Variants in CPS1 observed in about 807,000 individuals in gnomAD.
CPS1 encodes carbamoyl-phosphate synthase [ammonia], mitochondrial.
In CPS1, 109 loss-of-function variants were observed where a neutral mutation model predicts 174.6. The ratio of observed to expected loss-of-function variants is 0.62; its 90% CI spans 0.53 to 0.73. The LOEUF is 0.73. Ranked by LOEUF, CPS1 falls within the 30% of genes least tolerant of loss-of-function variation. CPS1 has a pLI of 0.00. For synonymous variants in CPS1, 637 were observed against 632.0 expected, an observed-to-expected ratio of 1.01 and a Z score of -0.12; for missense variants, 1,689 against 1,821.9, an observed-to-expected ratio of 0.93 and a Z score of 1.33.
rs138298082 is a variant in CPS1, at chr2:210,491,611, A to G, written c.3+13845A>G. ...TAGAGGCATGAGCCACCGCACCTGG[A>G]CATGTTTGTTTTTTTCCTGGTGTTC... On this transcript the variant is annotated intron_variant, in intron 1 of 38. Coordinates refer to the CPS1 transcript ENST00000430249. Among the ~76,000 whole-genome samples, 3 of 152,098 alleles carry G rather than the reference A, an allele frequency of 2.0e-5. No individual in the cohort carries two copies. In the South Asian group the frequency reaches 6.2e-4, roughly 32 times the overall value.
At chr2:210,642,869 G>C (rs1280187766) in intron 25 of CPS1, among the ~76,000 whole-genome samples, 1 of 152,118 alleles carries the variant, frequency 6.6e-6, no homozygotes, top group Non-Finnish European at 1.5e-5. Context: ...CTGGCCCAGA[G>C]TGATTATTTT....
At position 210,637,643 on chromosome 2, in the gene CPS1, T is replaced by C. The variant is rs531732906; in HGVS notation, c.2688-59T>C. 35 of 1,579,954 alleles carry C rather than the reference T, an allele frequency of 2.2e-5. No homozygotes were observed. The African/African-American group carries it at 4.2e-4, about 19-fold the overall frequency. On this transcript the variant is annotated intron_variant, in intron 21 of 37. Coordinates refer to ENST00000233072, the MANE Select transcript of CPS1 (RefSeq NM_001875.5). ...CTTGGTGTTCTTGAAATTGAACTTGTCACCGCTTTTTATTGTTTTTGGTCT... is the reference window on the plus strand; with the variant it reads ...CTTGGTGTTCTTGAAATTGAACTTGCCACCGCTTTTTATTGTTTTTGGTCT...
At chr2:210,500,513 G>A (rs1174811338) in intron 1 of CPS1, among the ~76,000 whole-genome samples, 4 of 152,152 alleles carry the variant, frequency 2.6e-5, no homozygotes, top group African/African-American at 7.2e-5. Flanking sequence ...GGGAGAAATT[G>A]GCCAAAACAA....
At position 210,590,122 on chromosome 2, in the gene CPS1, A is replaced by G. The variant is rs752902711; in HGVS notation, c.728A>G (p.His243Arg). ...CTTTTCCAGCGAGGAGCTGAAGTGC[A>G]CTTAGTTCCCTGGAACCATGATTTC... ...RLLVKRGAEV[H>R]LVPWNHDFTK... Residue 243 changes from histidine (H) to arginine (R), a missense_variant, in exon 8 of 38, where the codon CAC becomes CGC. His to Arg is a conservative substitution (Grantham distance 29). Transcript: ENST00000233072. 3 of 1,612,804 alleles carry G rather than the reference A, an allele frequency of 1.9e-6. No individual in the cohort carries two copies. The African/African-American group carries it at 4.0e-5, about 22-fold the overall frequency.
intron 1 of CPS1, among the ~76,000 whole-genome samples, chr2:210,481,460 C>A (rs1293049661): frequency 2.0e-5 from 3 of 152,164 alleles, no homozygotes; most frequent in Non-Finnish European, 4.4e-5. Flanking sequence ...GTTTTTGCTT[C>A]CATCCCATCC....
chr2:210,592,009 A>G (rs1698319979), intron 10 of CPS1, 40 bp downstream of exon 10: 2 of 1,595,760 alleles, frequency 1.3e-6, no homozygotes, highest in African/African-American at 2.7e-5. Context: ...GGTGATGAGA[A>G]ACGCAGGGCT....
chr2:210,607,252 A>C (rs1330761176), intron 18 of CPS1, among the ~76,000 whole-genome samples: 4 of 152,000 alleles, frequency 2.6e-5, no homozygotes, highest in African/African-American at 9.7e-5. Context: ...AGTGCAGATT[A>C]ATCCTTAATT....
chr2:210,662,028 C>G (rs530833022), intron 32 of CPS1, among the ~76,000 whole-genome samples: 64 of 151,378 alleles, frequency 4.2e-4, no homozygotes, highest in African/African-American at 1.5e-3. Flanking sequence ...CCTCAGCCCC[C>G]CAAGTAGCCC....
intron 1 of CPS1, among the ~76,000 whole-genome samples, chr2:210,483,606 T>A (rs13031561): frequency 0.2 from 31,127 of 152,146 alleles, 3,718 homozygotes; most frequent in Middle Eastern, 0.34. Context: ...CAGGGCTCTT[T>A]TATGCTGCCT....
rs1325113324 is a variant in CPS1, at chr2:210,544,649, A to G, written c.4-12070A>G. Among the ~76,000 whole-genome samples, 5 of 152,146 alleles carry G rather than the reference A, an allele frequency of 3.3e-5. No homozygotes were observed. In the East Asian group the frequency reaches 7.8e-4, roughly 24 times the overall value. Reference sequence around the variant, plus strand: ...TGGATTTAATTAGAATTTTCCTCGTACTAGTTTGAGAGGGTAGCTATTCCT... The same window carrying G: ...TGGATTTAATTAGAATTTTCCTCGTGCTAGTTTGAGAGGGTAGCTATTCCT... On this transcript the variant is annotated intron_variant, in intron 1 of 38. Coordinates refer to the CPS1 transcript ENST00000430249.
chr2:210,533,265 G>A (rs991736730), intron 1 of CPS1, among the ~76,000 whole-genome samples: 3 of 152,090 alleles, frequency 2.0e-5, no homozygotes, highest in African/African-American at 7.2e-5. Context: ...GGGATTTGGA[G>A]AATTGAAATC....
chr2:210,554,906 T>C (rs1696859502), upstream of CPS1, among the ~76,000 whole-genome samples: 1 of 151,668 alleles, frequency 6.6e-6, no homozygotes, highest in Non-Finnish European at 1.5e-5. Context: ...TAAACTAGTA[T>C]TGGACTAAGC....
chr2:210,541,087 T>C (rs991904413), intron 1 of CPS1, among the ~76,000 whole-genome samples: 6 of 152,132 alleles, frequency 3.9e-5, no homozygotes, highest in African/African-American at 1.4e-4. Flanking sequence ...CTAGGAATTG[T>C]GAAGCCTGAG....
intron 16 of CPS1, among the ~76,000 whole-genome samples, chr2:210,603,508 T>G (rs1471426721): frequency 6.6e-6 from 1 of 151,900 alleles, no homozygotes; most frequent in Non-Finnish European, 1.5e-5. Flanking sequence ...AACATGTTTT[T>G]GAAGATAGAA....
At chr2:210,591,733 T>G in intron 9 of CPS1, 98 bp from the exon 10 acceptor site, 1 of 1,369,472 alleles carries the variant, frequency 7.3e-7, no homozygotes, top group Non-Finnish European at 1.0e-6. Context: ...ATTTTGAATT[T>G]TAATAGGCTT....
At position 210,599,820 on chromosome 2, in the gene CPS1, A is replaced by G. The variant is rs115176345; in HGVS notation, c.1549+259A>G. Among the ~76,000 whole-genome samples, 942 of 151,916 alleles carry G rather than the reference A, an allele frequency of 6.2e-3. 4 individuals are homozygous for G. Among genetic ancestry groups the G allele is most frequent in the Non-Finnish European group, 0.01 (695 of 67,888 alleles). On this transcript the variant is annotated intron_variant, in intron 14 of 37. Transcript: ENST00000233072. ...GCCAGTAGGTTTCTTGCATTTCTCT[A>G]CTCTATCGCAGGATATTGCTTTTCT...
chr2:210,576,507 C>T lies in CPS1; in HGVS notation c.381+17C>T, dbSNP rs374364413. On this transcript the variant is annotated intron_variant, in intron 3 of 37. Coordinates refer to ENST00000233072, the MANE Select transcript of CPS1 (RefSeq NM_001875.5). Reference sequence around the variant, plus strand: ...GGAATCAAGGTAGTACCAGTGGTGGCCATTTAAAAAGTCTCAATTTGAGGG... The same window carrying T: ...GGAATCAAGGTAGTACCAGTGGTGGTCATTTAAAAAGTCTCAATTTGAGGG... 1.4e-4 allele frequency: 229 copies of T among 1,612,928 alleles called. 2 individuals carry two copies. The African/African-American group carries it at 2.7e-3, about 19-fold the overall frequency.
chr2:210,643,440 A>G (rs1050071720), intron 25 of CPS1, among the ~76,000 whole-genome samples: 1 of 152,168 alleles, frequency 6.6e-6, no homozygotes, highest in Non-Finnish European at 1.5e-5. Context: ...AATATGGTCA[A>G]TTAGAAGGAA....
intron 35 of CPS1, 28 bp from the exon 36 acceptor site, chr2:210,675,700 G>T (rs1232750347): frequency 2.0e-6 from 2 of 1,016,516 alleles, no homozygotes; most frequent in South Asian, 2.5e-5. Flanking sequence ...CTGTGATACG[G>T]TAATTGATTT....
Sources: allele counts gnomAD v4.1 joint callset (sites outside exome capture counted in the v4.1 genomes callset), GRCh38; gene constraint gnomAD v4.1.1; transcripts MANE v1.5; gene names NCBI Gene and HGNC (gene_info 2026-07-23, HGNC 2026-07-21).